The following ADD2 variants were observed in gnomAD, a reference collection of about 807,000 sequenced individuals.
ADD2 encodes adducin 2.
ADD2 carries 23 observed loss-of-function variants against 83.0 expected under a neutral mutation model. That is an observed-to-expected ratio of 0.28 (90% confidence interval 0.20 to 0.39). The LOEUF (loss-of-function observed/expected upper bound fraction) is 0.39. ADD2 is among the 10% of genes least tolerant of loss of function. The pLI is 1.00. For synonymous variants in ADD2, 375 were observed against 375.4 expected, an observed-to-expected ratio of 1.00 and a Z score of 0.01; for missense variants, 758 against 944.9, an observed-to-expected ratio of 0.80 and a Z score of 2.59.
intron 9 of ADD2, among the ~76,000 whole-genome samples, chr2:70,687,792 G>C (rs1553370774): frequency 6.6e-6 from 1 of 152,188 alleles, no homozygotes; most frequent in East Asian, 1.9e-4. Context: ...TAAGAAGTGG[G>C]TATTTATTGC....
intron 1 of ADD2, among the ~76,000 whole-genome samples, chr2:70,753,327 A>G (rs570698648): frequency 5.8e-4 from 88 of 152,224 alleles, no homozygotes; most frequent in South Asian, 1.9e-3. Flanking sequence ...CCTCAGTGCC[A>G]TAAAAGAGGA....
intron 1 of ADD2, among the ~76,000 whole-genome samples, chr2:70,735,856 G>C (rs1436334424): frequency 8.6e-6 from 1 of 116,406 alleles, no homozygotes; most frequent in Non-Finnish European, 1.6e-5. Context: ...AGCCATGCCC[G>C]GCTTTTTTTT....
At chr2:70,703,220 AAGAG>A (rs1343538912) in intron 4 of ADD2, among the ~76,000 whole-genome samples, 9 of 152,224 alleles carry the variant, frequency 5.9e-5, no homozygotes, top group East Asian at 5.8e-4. Flanking sequence ...AAGAAAGAGA[AAGAG>A]AGAAAGAGAA....
rs1302314937 is a variant in ADD2 at position 70,661,019 on chromosome 2, C to T, written c.*2406G>A. 2 of 152,138 alleles carry T rather than the reference C, an allele frequency of 1.3e-5. No homozygotes were observed. Among genetic ancestry groups the T allele is most frequent in the African/African-American group, 2.4e-5 (1 of 41,428 alleles). The allele number at this position is 152,138 out of a possible 1,614,324, so 9.4% of individuals were successfully genotyped here. A position where few individuals can be genotyped will look rare whatever the true frequency, so the allele number is the denominator to read the frequency against. On this transcript the variant is annotated 3_prime_UTR_variant, in exon 16 of 16. Transcript: ENST00000264436. ...GTTTTTGGAATGCATGAGGAATGAACCAACTGACAGGTTCATCTATCAATA... is the reference window on the plus strand; with the variant it reads ...GTTTTTGGAATGCATGAGGAATGAATCAACTGACAGGTTCATCTATCAATA...
chr2:70,706,465 T>G lies in ADD2; in HGVS notation c.-34-23A>C. 6.4e-7 allele frequency: 1 copy of G among 1,550,876 alleles called. No homozygotes were observed. The highest frequency in any genetic ancestry group is 8.7e-7 in the Non-Finnish European group (1 of 1,150,790). On this transcript the variant is annotated intron_variant, in intron 2 of 15. Transcript: ENST00000264436. This position sits in a 1 kb window ranked among gnomAD's most constrained non-coding sequence, Gnocchi z 5.0. ...ACTCTACAGAGAAGGGGAGAGGGTA[T>G]GCGGTCAGGTTGGTGCTCCCCATCG...
At chr2:70,729,241 G>A (rs3771431) in intron 1 of ADD2, among the ~76,000 whole-genome samples, 4 of 151,950 alleles carry the variant, frequency 2.6e-5, no homozygotes, top group Non-Finnish European at 5.9e-5. Context: ...GGCCCACCAT[G>A]CACCATGTTC....
chr2:70,752,136 T>C (rs1674537013), intron 1 of ADD2, among the ~76,000 whole-genome samples: 2 of 152,328 alleles, frequency 1.3e-5, no homozygotes, highest in Non-Finnish European at 1.5e-5. Flanking sequence ...TGCAATGTCA[T>C]TGGTGCCTAA....
chr2:70,674,859 T>C, intron 13 of ADD2, 34 bp from the exon 14 acceptor site: 1 of 1,599,618 alleles, frequency 6.3e-7, no homozygotes, highest in Non-Finnish European at 8.5e-7. Flanking sequence ...TGTCGCTCTC[T>C]GAACGCCGCA....
rs184530538 is a variant in ADD2, at chr2:70,698,316, C to T, written c.323-1920G>A. 2.6e-5 allele frequency among the ~76,000 whole-genome samples: 4 copies of T among 152,322 alleles called. No homozygotes were observed. The East Asian group carries it at 7.7e-4, about 29-fold the overall frequency. On this transcript the variant is annotated intron_variant, in intron 4 of 15. Coordinates refer to ENST00000264436, the MANE Select transcript of ADD2 (RefSeq NM_001617.4). ...TATCAAAGACAGTCCCTCTCCCCAA[C>T]CCCGTGGAGGTTCAACTAAGAGGAT... is the stretch of plus-strand genomic sequence containing the variant.
intron 6 of ADD2, among the ~76,000 whole-genome samples, 197 bp downstream of exon 6, chr2:70,695,524 A>G (rs1671263490): frequency 6.6e-6 from 1 of 151,302 alleles, no homozygotes; most frequent in Admixed American, 6.6e-5. Context: ...TGCACTTGCC[A>G]CCTCCTCCTG....
At chr2:70,677,950 G>A (rs570030264) in intron 11 of ADD2, 73 bp from the exon 12 acceptor site, 9 of 1,596,764 alleles carry the variant, frequency 5.6e-6, no homozygotes, top group East Asian at 4.5e-5. Flanking sequence ...GTCCACCCAC[G>A]AGATCTGGGC....
chr2:70,757,279 A>C (rs1302701768), intron 1 of ADD2, among the ~76,000 whole-genome samples: 27 of 25,552 alleles, frequency 1.1e-3, no homozygotes, highest in African/African-American at 4.2e-3. Flanking sequence ...CCTGTGGATA[A>C]GGGATTTGTG....
rs150383515 is a variant in ADD2 at position 70,695,730 on chromosome 2, C to G, written c.546G>C (p.Ala182=). 2 of 1,614,022 alleles carry G rather than the reference C, an allele frequency of 1.2e-6. No individual in the cohort carries two copies. Among genetic ancestry groups the G allele is most frequent in the South Asian group, 1.1e-5 (1 of 91,064 alleles). The change falls in exon 6 of 16, where the codon GCG becomes GCC. Residue 182 remains alanine (A), a synonymous_variant. Transcript: ENST00000264436. ...PKGVSCSEVT[A]SSLIKVNILG... ...GCTGGACTGTACTCACCAGGCTGGACGCTGTGACTTCACTGCAAGAAACTC... is the reference window on the plus strand; with the variant it reads ...GCTGGACTGTACTCACCAGGCTGGAGGCTGTGACTTCACTGCAAGAAACTC...
At chr2:70,673,391 A>AC (rs782248177) in intron 14 of ADD2, 38 of 1,351,094 alleles carry the variant, frequency 2.8e-5, no homozygotes, top group Non-Finnish European at 4.0e-5. Flanking sequence ...TAAGAGGTGG[A>AC]CCCACAACCA....
rs1448480951 is a variant in ADD2, at chr2:70,661,172, C to G, written c.*2253G>C. On this transcript the variant is annotated 3_prime_UTR_variant, in exon 16 of 16. Transcript: ENST00000264436. ...AATGCAGAGGCAATCAACATCACCC[C>G]CGAAGTAGAACAACTCGCACACAAA... 6.6e-6 allele frequency: 1 copy of G among 152,148 alleles called. No individual in the cohort carries two copies. The highest frequency in any genetic ancestry group is 2.4e-5 in the African/African-American group (1 of 41,436). The allele number at this position is 152,148 out of a possible 1,614,324, so 9.4% of individuals were successfully genotyped here. A position where few individuals can be genotyped will look rare whatever the true frequency, so the allele number is the denominator to read the frequency against.
chr2:70,665,505 A>C (rs1483288004), intron 15 of ADD2, among the ~76,000 whole-genome samples: 1 of 152,138 alleles, frequency 6.6e-6, no homozygotes, highest in Non-Finnish European at 1.5e-5. Context: ...TGAGTGCCAT[A>C]AACCAGGCTG....
At chr2:70,753,433 GAA>G (rs1553383289) in intron 1 of ADD2, among the ~76,000 whole-genome samples, 15 of 152,100 alleles carry the variant, frequency 9.9e-5, no homozygotes, top group African/African-American at 3.6e-4. Context: ...GGGGAAGGAA[GAA>G]AGAGGTTGAT....
At chr2:70,756,337 C>T (rs1247886555) in intron 1 of ADD2, among the ~76,000 whole-genome samples, 1 of 152,140 alleles carries the variant, frequency 6.6e-6, no homozygotes, top group East Asian at 1.9e-4. Flanking sequence ...TAGAGCCCTA[C>T]TATGGTGGTG....
intron 1 of ADD2, 139 bp downstream of exon 1, chr2:70,767,747 T>A: frequency 4.1e-6 from 6 of 1,448,438 alleles, no homozygotes; most frequent in Non-Finnish European, 5.4e-6. Flanking sequence ...CGGCCAGGGC[T>A]GCAGCACCGA....
Sources: allele counts gnomAD v4.1 joint callset (sites outside exome capture counted in the v4.1 genomes callset), GRCh38; gene constraint gnomAD v4.1.1; non-coding constraint Gnocchi (gnomAD v3.1); transcripts MANE v1.5; gene names NCBI Gene and HGNC (gene_info 2026-07-23, HGNC 2026-07-21).